The following IFT172 variants were observed in gnomAD, a reference collection of about 807,000 sequenced individuals.
IFT172 encodes the protein intraflagellar transport protein 172 homolog.
IFT172 carries 164 observed loss-of-function variants against 248.9 expected under a neutral mutation model. That is an observed-to-expected ratio of 0.66 (90% CI 0.58 to 0.75). The LOEUF is 0.75. Ranked by LOEUF, IFT172 falls within the 30% of genes least tolerant of loss-of-function variation. IFT172 has a pLI of 0.00. For synonymous variants in IFT172, 729 were observed against 791.6 expected, an observed-to-expected ratio of 0.92 and a Z score of 1.33; for missense variants, 1,950 against 2,192.4, an observed-to-expected ratio of 0.89 and a Z score of 2.21.
intron 36 of IFT172, 21 bp from the exon 37 acceptor site, chr2:27,449,821 G>A (rs568709292): frequency 4.8e-5 from 76 of 1,571,266 alleles, no homozygotes; most frequent in Middle Eastern, 1.7e-4. Flanking sequence ...GGAAATCAGC[G>A]TGGAGACTTT....
chr2:27,453,823 C>A, intron 33 of IFT172, 84 bp from the exon 34 acceptor site: 1 of 1,431,974 alleles, frequency 7.0e-7, no homozygotes, highest in East Asian at 2.3e-5. Flanking sequence ...CCCACAGACT[C>A]CTGGGTCCTT....
At chr2:27,479,482 A>G in intron 10 of IFT172, 27 bp downstream of exon 10, 1 of 1,288,490 alleles carries the variant, frequency 7.8e-7, no homozygotes, top group South Asian at 1.2e-5. Context: ...GCAAGTTCTC[A>G]GTGCAGTAGG....
At chr2:27,450,275 G>C (rs1397764412) in intron 35 of IFT172, among the ~76,000 whole-genome samples, 179 bp from the exon 36 acceptor site, 5 of 152,162 alleles carry the variant, frequency 3.3e-5, no homozygotes, top group Non-Finnish European at 5.9e-5. Flanking sequence ...CCTTTGATTA[G>C]CCATCAGTGG....
chr2:27,459,727 T>C lies in IFT172; in HGVS notation c.2624A>G (p.Asn875Ser). Reference sequence around the variant, plus strand: ...CCCATACCTGGCTTCGATGTAGTGATTAATGGCTGCATCAAGCTGCTTCTG... The same window carrying C: ...CCCATACCTGGCTTCGATGTAGTGACTAATGGCTGCATCAAGCTGCTTCTG... ...VQQKQLDAAI[N>S]HYIEARCSIK... Residue 875 changes from asparagine (N) to serine (S), a missense_variant, in exon 24 of 48, where the codon AAT becomes AGT. Physicochemically the swap from Asn to Ser is conservative, Grantham distance 46 (BLOSUM62 1). This residue lies in a region of IFT172 where 1,166 missense variants were observed against 1,254.1 expected (regional missense o/e 0.93). Transcript: ENST00000260570. The C allele has an allele frequency of 1.2e-6, 2 of 1,612,852 alleles. No individual in the cohort carries two copies. Among genetic ancestry groups the C allele is most frequent in the Non-Finnish European group, 1.7e-6 (2 of 1,180,026 alleles).
rs1424254691 is a variant in IFT172, at chr2:27,445,787, G to A, written c.4872C>T (p.Asp1624=). 1 of 1,614,160 alleles carries A rather than the reference G, an allele frequency of 6.2e-7. No individual in the cohort carries two copies. The highest frequency in any genetic ancestry group is 8.5e-7 in the Non-Finnish European group (1 of 1,180,028). ...GLDHSDFQDT[D]IPFEVPLPAK... ...CTGGGAGTGGCACCTCAAAGGGAAT[G>A]TCTGTATCCTGAAAATCAGAGTGGT... The change falls in exon 45 of 48, where the codon GAC becomes GAT. Residue 1624 remains aspartate (D), a synonymous_variant. Transcript: ENST00000260570. This position sits in a 1 kb window ranked among gnomAD's most constrained non-coding sequence, Gnocchi z 4.4.
At chr2:27,466,010 A>C in intron 16 of IFT172, 128 bp from the exon 17 acceptor site, 1 of 1,058,984 alleles carries the variant, frequency 9.4e-7, no homozygotes, top group Non-Finnish European at 1.4e-6. Flanking sequence ...TGATTTTCCT[A>C]ACATTTTAGT....
Position 27,453,465 on chromosome 2 carries a change from T to C in IFT172, c.3870A>G (p.Gly1290=). ...AGCAGTCCACGGCACGGCTGTACTC[T>C]CCAGCCTGCTCCCAGTGTCGAGCTT... is the stretch of plus-strand genomic sequence containing the variant. ...VEQARHWEQA[G]EYSRAVDCYL... The change falls in exon 35 of 48, where the codon GGA becomes GGG. Residue 1290 remains glycine (G), a synonymous_variant. Coordinates refer to ENST00000260570, the MANE Select transcript of IFT172 (RefSeq NM_015662.3). 1 of 1,614,184 alleles carries C rather than the reference T, an allele frequency of 6.2e-7. No individual in the cohort carries two copies. Among genetic ancestry groups the C allele is most frequent in the Non-Finnish European group, 8.5e-7 (1 of 1,180,026 alleles).
rs749207320 is a variant in IFT172 at position 27,478,104 on chromosome 2, T to C, written c.1058A>G (p.Tyr353Cys). The C allele has an allele frequency of 1.3e-5, 21 of 1,614,064 alleles. No individual in the cohort carries two copies. The highest frequency in any genetic ancestry group is 3.3e-4 in the Middle Eastern group (2 of 6,084). ...TTTCACCTCTTCCACCTCATAGCCA[T>C]AGTGTGACTTGAGCACCACTCGGGT... Reference protein sequence around the residue: ...SGTRVVLKSHYGYEVEEVKIL... With the variant: ...SGTRVVLKSHCGYEVEEVKIL... The change falls in exon 11 of 48, where the codon TAT (tyrosine) becomes TGT (cysteine). Residue 353 changes from tyrosine (Y) to cysteine (C), a missense_variant. Tyr to Cys is a radical substitution (Grantham distance 194, BLOSUM62 -2). This residue lies in a region of IFT172 where 1,166 missense variants were observed against 1,254.1 expected (regional missense o/e 0.93). Transcript: ENST00000260570.
chr2:27,484,089 C>G, intron 4 of IFT172, 138 bp downstream of exon 4: 2 of 1,336,198 alleles, frequency 1.5e-6, no homozygotes, highest in Non-Finnish European at 2.1e-6. Flanking sequence ...TGACCATGAA[C>G]AGCCATGAAG....
chr2:27,453,297 G>A, intron 35 of IFT172, 87 bp downstream of exon 35: 2 of 1,510,116 alleles, frequency 1.3e-6, no homozygotes, highest in Non-Finnish European at 1.8e-6. Context: ...AGACACAAGA[G>A]GAAAGAGCTG....
chr2:27,488,528 T>TTG (rs1572844329), intron 1 of IFT172, among the ~76,000 whole-genome samples: 1 of 152,200 alleles, frequency 6.6e-6, no homozygotes, highest in Non-Finnish European at 1.5e-5. Flanking sequence ...ATTGCTGGGA[T>TTG]TACAGGTGTG....
chr2:27,450,416 A>C (rs377522374), intron 35 of IFT172, among the ~76,000 whole-genome samples: 13 of 152,214 alleles, frequency 8.5e-5, no homozygotes, highest in African/African-American at 3.1e-4. Flanking sequence ...TCTTCGTAGC[A>C]GAGTACAGAG....
In IFT172 at chr2:27,480,110, C is replaced by A. The variant is rs1269755860; in HGVS notation, c.825G>T (p.Trp275Cys). 6.2e-7 allele frequency: 1 copy of A among 1,614,000 alleles called. No homozygotes were observed. ...VFNWIPRRSI[W>C]EEAKPKEITN... The stretch of plus-strand genomic sequence containing the variant: ...TAATCTCCTTGGGCTTTGCCTCTTC[C>A]CAGATGCTTCTTCGAGGGATCCAGT... Residue 275 changes from tryptophan (W) to cysteine (C), a missense_variant, in exon 9 of 48, where the codon TGG (tryptophan) becomes TGT (cysteine). This residue lies in a region of IFT172 where 1,166 missense variants were observed against 1,254.1 expected (regional missense o/e 0.93). Coordinates refer to ENST00000260570, the MANE Select transcript of IFT172 (RefSeq NM_015662.3).
At position 27,449,023 on chromosome 2, in the gene IFT172, C is replaced by G; in HGVS notation, c.4320G>C (p.Lys1440Asn). The G allele has an allele frequency of 6.3e-7, 1 of 1,580,876 alleles. No individual in the cohort carries two copies. Among genetic ancestry groups the G allele is most frequent in the Non-Finnish European group, 8.7e-7 (1 of 1,149,832 alleles). ...ACAAAGCCACATACTTGTGCAGAAT[C>G]TTGTAGTTCTGTACAGGGGTGGAGG... is the stretch of plus-strand genomic sequence containing the variant. ...CIETATKQNY[K>N]ILHKYVALYA... The change falls in exon 40 of 48, where the codon AAG (lysine) becomes AAC (asparagine). Residue 1440 changes from lysine (K) to asparagine (N), a missense_variant. Physicochemically the swap from Lys to Asn is moderately conservative, Grantham distance 94. Transcript: ENST00000260570.
At chr2:27,446,137 G>T (rs1558350715) in intron 43 of IFT172, 123 bp downstream of exon 43, 11 of 1,316,328 alleles carry the variant, frequency 8.4e-6, no homozygotes, top group Non-Finnish European at 1.2e-5. Context: ...AGACATAGGA[G>T]GACTACATCC....
chr2:27,460,909 A>G, intron 23 of IFT172, 106 bp downstream of exon 23: 1 of 1,188,966 alleles, frequency 8.4e-7, no homozygotes, highest in Non-Finnish European at 1.2e-6. Context: ...ACCTTACGAG[A>G]AACACCCACA....
chr2:27,445,078 T>G lies in IFT172; in HGVS notation c.5096A>C (p.Glu1699Ala). The G allele has an allele frequency of 6.2e-7, 1 of 1,614,146 alleles. No homozygotes were observed. Among genetic ancestry groups the G allele is most frequent in the Non-Finnish European group, 8.5e-7 (1 of 1,180,032 alleles). ...TGYPILRNKI[E>A]FKRPGKAANK... ...AGCAGCCTTCCCTGGCCGCTTAAAT[T>G]CAATTTTGTTCCTCAGAATGGGGTA... Residue 1699 changes from glutamate (E) to alanine (A), a missense_variant, in exon 47 of 48, where the codon GAA becomes GCA. By Grantham distance (107) the Glu-to-Ala change is moderately radical. Around this residue, in one of 3 missense-constraint regions of IFT172, gnomAD observed 620 missense variants for 699.0 expected, o/e 0.89. Transcript: ENST00000260570. This position sits in a 1 kb window ranked among gnomAD's most constrained non-coding sequence, Gnocchi z 4.4.
At position 27,452,507 on chromosome 2, in the gene IFT172, T is replaced by C. The variant is rs1046351071; in HGVS notation, c.3951+877A>G. Among the ~76,000 whole-genome samples the C allele has an allele frequency of 2.0e-5, 3 of 152,248 alleles. No homozygotes were observed. The East Asian group carries it at 5.8e-4, about 29-fold the overall frequency. On this transcript the variant is annotated intron_variant, in intron 35 of 47. Coordinates refer to ENST00000260570, the MANE Select transcript of IFT172 (RefSeq NM_015662.3). ...GCATTGTCTAATGATCAGTATGTTC[T>C]GAGAAATGTGTCCTTAGGGGATTTC...
Position 27,481,276 on chromosome 2 carries a change from A to G in IFT172, c.571-16T>C. ...CCAACTTCCCCTAAGACAGAAGTAG[A>G]GGGTTTCAATCACTCTTCGAAGACT... On this transcript the variant is annotated splice_polypyrimidine_tract_variant and intron_variant, in intron 7 of 47. Transcript: ENST00000260570. 3.1e-6 allele frequency: 5 copies of G among 1,602,244 alleles called. No homozygotes were observed. Among genetic ancestry groups the G allele is most frequent in the Non-Finnish European group, 4.3e-6 (5 of 1,173,188 alleles).
Sources: allele counts gnomAD v4.1 joint callset (sites outside exome capture counted in the v4.1 genomes callset), GRCh38; gene constraint gnomAD v4.1.1; regional missense constraint gnomAD v4.1.1; non-coding constraint Gnocchi (gnomAD v3.1); transcripts MANE v1.5; gene names NCBI Gene and HGNC (gene_info 2026-07-23, HGNC 2026-07-21).